BFSP1: variants seen among roughly 807,000 people sequenced by gnomAD.
BFSP1 encodes the protein beaded filament structural protein 1, also known as filensin.
In BFSP1, 38 loss-of-function variants were observed where a neutral mutation model predicts 43.9. That is an observed-to-expected ratio of 0.87 (90% confidence interval 0.67 to 1.14). BFSP1 has a LOEUF of 1.14. Among genes scored for constraint, BFSP1 ranks in the 50% most tolerant of loss-of-function variants. The pLI is 0.00. For synonymous variants in BFSP1, 352 were observed against 354.8 expected (o/e 0.99, Z 0.09); for missense variants, 850 against 875.1 (o/e 0.97, Z 0.36).
chr20:17,558,075 C>T (rs922348760), intron 1 of BFSP1, among the ~76,000 whole-genome samples: 17 of 152,034 alleles, frequency 1.1e-4, no homozygotes, highest in African/African-American at 4.1e-4. Flanking sequence ...ATTCCAGATT[C>T]CTTACATCTC....
intron 1 of BFSP1, among the ~76,000 whole-genome samples, chr20:17,544,759 CT>C (rs1452255230): frequency 2.0e-5 from 3 of 152,174 alleles, no homozygotes; most frequent in Non-Finnish European, 2.9e-5. Context: ...TTTCACAGTG[CT>C]GTGGAATAGC....
At chr20:17,501,467 A>T (rs1173036913) in intron 5 of BFSP1, among the ~76,000 whole-genome samples, 2 of 152,126 alleles carry the variant, frequency 1.3e-5, no homozygotes, top group Non-Finnish European at 2.9e-5. Context: ...CTGGAGGCTG[A>T]GGCACCTGAA....
In BFSP1 at chr20:17,524,900, T is replaced by C. The variant is rs1483805170; in HGVS notation, c.386A>G (p.Asn129Ser). Residue 129 changes from asparagine (N) to serine (S), a missense_variant, in exon 2 of 8, where the codon AAT becomes AGT. Physicochemically the swap from Asn to Ser is conservative, Grantham distance 46. Coordinates refer to ENST00000377873, the MANE Select transcript of BFSP1 (RefSeq NM_001195.5). ...ALDEFRSKYE[N>S]ECECQLLLKE... ...TAGCAGGAGTTGACATTCGCACTCA[T>C]TTTCATACCTGCAAATTGGACACAT... The C allele has an allele frequency of 2.5e-6, 4 of 1,614,030 alleles. No homozygotes were observed. The highest frequency in any genetic ancestry group is 2.5e-6 in the Non-Finnish European group (3 of 1,179,864).
chr20:17,521,865 G>A (rs1464631487), intron 2 of BFSP1, among the ~76,000 whole-genome samples: 7 of 152,158 alleles, frequency 4.6e-5, no homozygotes, highest in Non-Finnish European at 8.8e-5. Flanking sequence ...CCCTCTGAGG[G>A]ACCATGTGGA....
rs1052306990 is a variant in BFSP1, at chr20:17,507,903, G to T, written c.735+986C>A. On this transcript the variant is annotated intron_variant, in intron 5 of 7. Coordinates refer to ENST00000377873, the MANE Select transcript of BFSP1 (RefSeq NM_001195.5). The surrounding 1 kb of genome is among the most constrained non-coding windows in gnomAD (Gnocchi z 4.4). ...CTGCACTGTGAGTTTTGTGTGGTGC[G>T]TGCTGGGATGGGAATTAGGATGTGA... is the stretch of plus-strand genomic sequence containing the variant. 6.6e-6 allele frequency among the ~76,000 whole-genome samples: 1 copy of T among 152,146 alleles called. No individual in the cohort carries two copies. Among genetic ancestry groups the T allele is most frequent in the Non-Finnish European group, 1.5e-5 (1 of 68,038 alleles).
In BFSP1 at chr20:17,497,083, G is replaced by A. The variant is rs543672582; in HGVS notation, c.957-60C>T. 123 of 1,304,336 alleles carry A rather than the reference G, an allele frequency of 9.4e-5. 1 individual carries two copies. The highest frequency in any genetic ancestry group is 9.1e-4 in the African/African-American group (59 of 65,084). The allele number at this position is 1,304,336 out of a possible 1,614,324, so 80.8% of individuals were successfully genotyped here. A position where few individuals can be genotyped will look rare whatever the true frequency, so the allele number is the denominator to read the frequency against. Reference sequence around the variant, plus strand: ...GAGGTCAGGGGCAAGAGCGACTCTCGTTAATGTTGAGCAAAAATGAAAAAA... The same window carrying A: ...GAGGTCAGGGGCAAGAGCGACTCTCATTAATGTTGAGCAAAAATGAAAAAA... On this transcript the variant is annotated intron_variant, in intron 6 of 7. Coordinates refer to ENST00000377873, the MANE Select transcript of BFSP1 (RefSeq NM_001195.5).
upstream of BFSP1, among the ~76,000 whole-genome samples, chr20:17,532,454 C>CT (rs1332311100): frequency 1.3e-5 from 2 of 148,510 alleles, no homozygotes; most frequent in South Asian, 2.1e-4. Flanking sequence ...TTTTCTTTTT[C>CT]TTTTTTTAAC....
Position 17,514,733 on chromosome 20 carries a change from G to T in BFSP1, c.522C>A (p.Asp174Glu). The T allele has an allele frequency of 6.2e-7, 1 of 1,613,994 alleles. No homozygotes were observed. The highest frequency in any genetic ancestry group is 8.5e-7 in the Non-Finnish European group (1 of 1,179,894). ...FLQDDISAAK[D>E]RHKKNLLEVQ... is the part of the protein sequence containing the mutation. ...GGGTCATGATTACCTTCTTGTGCCT[G>T]TCCTTTGCCGCACTGATATCATCTT... The change falls in exon 3 of 8, where the codon GAC (aspartate) becomes GAA (glutamate). Residue 174 changes from aspartate to glutamate, a missense_variant. Physicochemically the swap from Asp to Glu is conservative, Grantham distance 45. Coordinates refer to ENST00000377873, the MANE Select transcript of BFSP1 (RefSeq NM_001195.5).
In BFSP1 at chr20:17,525,040, A is replaced by C; in HGVS notation, c.378-132T>G. On this transcript the variant is annotated intron_variant, in intron 1 of 7. Transcript: ENST00000377873. The surrounding 1 kb of genome is among the most constrained non-coding windows in gnomAD (Gnocchi z 4.2). ...AAGGAGAGGGTCTTAATTTTAAAGT[A>C]GTAGCTAACGAATGCTGCATTTCCT... is the stretch of plus-strand genomic sequence containing the variant. 2.6e-6 allele frequency: 2 copies of C among 777,082 alleles called. No individual in the cohort carries two copies. Among genetic ancestry groups the C allele is most frequent in the Non-Finnish European group, 4.5e-6 (2 of 449,192 alleles). 48.1% of individuals were successfully genotyped at this position (777,082 alleles called of 1,614,324 possible).
At chr20:17,555,850 G>A (rs968245390) in intron 1 of BFSP1, among the ~76,000 whole-genome samples, 4 of 152,036 alleles carry the variant, frequency 2.6e-5, no homozygotes, top group Admixed American at 6.6e-5. Flanking sequence ...ATATGAAAGA[G>A]AAAATGTATA....
intron 1 of BFSP1, among the ~76,000 whole-genome samples, chr20:17,542,836 T>A (rs555866689): frequency 6.6e-6 from 1 of 152,366 alleles, no homozygotes; most frequent in Non-Finnish European, 1.5e-5. Flanking sequence ...TCATTTCTAG[T>A]TGGCTCAAGA....
At chr20:17,555,421 G>A (rs1267233007) in intron 1 of BFSP1, among the ~76,000 whole-genome samples, 1 of 151,882 alleles carries the variant, frequency 6.6e-6, no homozygotes, top group African/African-American at 2.4e-5. Context: ...AGGAGGCCAA[G>A]GTGGGCAGAT....
intron 2 of BFSP1, among the ~76,000 whole-genome samples, chr20:17,522,165 C>G (rs2034331775): frequency 6.6e-6 from 1 of 152,156 alleles, no homozygotes; most frequent in Non-Finnish European, 1.5e-5. Flanking sequence ...CTGAGTAATA[C>G]CGGTTCCCTG....
upstream of BFSP1, among the ~76,000 whole-genome samples, chr20:17,536,331 GC>G (rs1203027627): frequency 3.9e-5 from 6 of 152,098 alleles, no homozygotes; most frequent in African/African-American, 1.2e-4. Flanking sequence ...CGGGTGGACT[GC>G]TTGAGCCCGG....
Position 17,500,948 on chromosome 20 carries a change from C to G in BFSP1, c.736-1908G>C, listed in dbSNP as rs146204979. Among the ~76,000 whole-genome samples, 514 of 152,280 alleles carry G rather than the reference C, an allele frequency of 3.4e-3. 4 individuals carry two copies. The highest frequency in any genetic ancestry group is 0.012 in the African/African-American group (493 of 41,534). On this transcript the variant is annotated intron_variant, in intron 5 of 7. Transcript: ENST00000377873. The stretch of plus-strand genomic sequence containing the variant: ...CTACCTAGCGCAGCCCTTCTGGAAG[C>G]CAGGGTGCACTGGAACCACCTGAGG...
chr20:17,501,945 T>G (rs1278516700), intron 5 of BFSP1, among the ~76,000 whole-genome samples: 2 of 152,022 alleles, frequency 1.3e-5, no homozygotes, highest in Non-Finnish European at 2.9e-5. Flanking sequence ...CGCTCTGGAG[T>G]GGCGAGCTTT....
At chr20:17,552,744 G>A (rs2034915692) in intron 1 of BFSP1, among the ~76,000 whole-genome samples, 1 of 152,184 alleles carries the variant, frequency 6.6e-6, no homozygotes, top group Admixed American at 6.5e-5. Context: ...GATAAAATCT[G>A]AAGCTGGAAG....
intron 1 of BFSP1, among the ~76,000 whole-genome samples, chr20:17,554,590 A>T (rs2034959601): frequency 6.6e-6 from 1 of 152,250 alleles, no homozygotes; most frequent in Admixed American, 6.5e-5. Context: ...AAATAAGACA[A>T]GAAATTTATT....
At chr20:17,529,061 ATAAG>A (rs2034478411) in intron 1 of BFSP1, among the ~76,000 whole-genome samples, 1 of 105,562 alleles carries the variant, frequency 9.5e-6, no homozygotes, top group Admixed American at 9.2e-5. Flanking sequence ...ACATGGTTAA[ATAAG>A]TGTGTGTGTG....
Sources: gnomAD v4.1 joint callset for allele counts (sites outside exome capture counted in the v4.1 genomes callset) on GRCh38, gnomAD v4.1.1 for gene constraint, Gnocchi (gnomAD v3.1) non-coding constraint, MANE v1.5 for transcripts, NCBI Gene and HGNC (gene_info 2026-07-23, HGNC 2026-07-21) for gene names.